Variants in TMEM214 observed in about 807,000 individuals in gnomAD.
TMEM214 encodes transmembrane protein 214.
Under a neutral mutation model 89.8 loss-of-function variants are expected in TMEM214, and 71 were observed. That is an observed-to-expected ratio of 0.79 (90% CI 0.65 to 0.96). The LOEUF (loss-of-function observed/expected upper bound fraction) is 0.96. Among genes scored for constraint, TMEM214 ranks in the 40% least tolerant of loss-of-function variants. TMEM214 has a pLI of 0.00. For missense variants in TMEM214, 754 were observed against 843.4 expected (o/e 0.89, Z 1.31); for synonymous variants, 332 against 349.5 (o/e 0.95, Z 0.56).
At position 27,038,962 on chromosome 2, in the gene TMEM214, G is replaced by T; in HGVS notation, c.1408-85G>T. The T allele has an allele frequency of 6.6e-7, 1 of 1,509,298 alleles. No individual in the cohort carries two copies. The highest frequency in any genetic ancestry group is 2.3e-5 in the East Asian group (1 of 44,344). 93.5% of individuals were successfully genotyped at this position (1,509,298 alleles called of 1,614,324 possible). A position where few individuals can be genotyped will look rare whatever the true frequency, so the allele number is the denominator to read the frequency against. ...TAATGTGAAGGCTTGACGCTCTTTC[G>T]GGAAGGCCTGGCTTGAGGTCTGCCC... On this transcript the variant is annotated intron_variant, in intron 12 of 16. Transcript: ENST00000238788. This position sits in a 1 kb window ranked among gnomAD's most constrained non-coding sequence, Gnocchi z 4.4.
At chr2:27,034,336 G>A (rs373455094) in intron 2 of TMEM214, 70 bp downstream of exon 2, 3 of 1,518,114 alleles carry the variant, frequency 2.0e-6, no homozygotes, top group South Asian at 2.4e-5. Context: ...AGAGGAGGGG[G>A]AGGTGGATGG....
Position 27,038,391 on chromosome 2 carries a change from C to G in TMEM214, c.1245-93C>G. ...GCTCTGTGGGTGGTAGGTGGAGGGT[C>G]TTTCAGCCTGAAGGAGCCAGGGCTA... is the stretch of plus-strand genomic sequence containing the variant. On this transcript the variant is annotated intron_variant, in intron 10 of 16. Transcript: ENST00000238788. The surrounding 1 kb of genome is among the most constrained non-coding windows in gnomAD (Gnocchi z 4.4). 1 of 1,574,494 alleles carries G rather than the reference C, an allele frequency of 6.4e-7. No homozygotes were observed. The highest frequency in any genetic ancestry group is 8.7e-7 in the Non-Finnish European group (1 of 1,146,074).
chr2:27,039,235 C>T, intron 13 of TMEM214, 71 bp downstream of exon 13: 7 of 1,281,170 alleles, frequency 5.5e-6, no homozygotes, highest in South Asian at 1.2e-5. Context: ...ACCACCACCC[C>T]GCCCCCAGCA....
intron 6 of TMEM214, 45 bp downstream of exon 6, chr2:27,036,637 A>G (rs559819654): frequency 6.2e-7 from 1 of 1,613,376 alleles, no homozygotes; most frequent in South Asian, 1.1e-5. Context: ...TCGGAGCTGG[A>G]AAACTCCTCT....
intron 8 of TMEM214, 43 bp downstream of exon 8, chr2:27,037,221 C>T: frequency 1.4e-6 from 2 of 1,424,090 alleles, no homozygotes; most frequent in Non-Finnish European, 2.0e-6. Context: ...GGGACCACAG[C>T]ACCAGAACCA....
intron 9 of TMEM214, chr2:27,037,919 C>T: frequency 1.9e-6 from 3 of 1,550,360 alleles, no homozygotes; most frequent in South Asian, 1.2e-5. Context: ...ATGCCCGTCT[C>T]TTGCAGATAG....
At position 27,038,596 on chromosome 2, in the gene TMEM214, T is replaced by A. The variant is rs1667676471; in HGVS notation, c.1293+64T>A. On this transcript the variant is annotated intron_variant, in intron 11 of 16. Coordinates refer to ENST00000238788, the MANE Select transcript of TMEM214 (RefSeq NM_017727.5). The surrounding 1 kb of genome is among the most constrained non-coding windows in gnomAD (Gnocchi z 4.4). ...TGGATTCTAGGTTCTGAGTGGGGGC[T>A]CCTCAGCCACTGTCCCTTCCCTGAG... is the stretch of plus-strand genomic sequence containing the variant. The A allele has an allele frequency of 3.7e-6, 6 of 1,607,878 alleles. No individual in the cohort carries two copies. The highest frequency in any genetic ancestry group is 5.1e-6 in the Non-Finnish European group (6 of 1,175,102).
At chr2:27,034,490 G>A (rs1572785204) in intron 2 of TMEM214, 2 of 555,048 alleles carry the variant, frequency 3.6e-6, no homozygotes, top group Non-Finnish European at 6.3e-6. Flanking sequence ...TTGGTAAGAG[G>A]AAAGCCTTGA....
intron 8 of TMEM214, 29 bp from the exon 9 acceptor site, chr2:27,037,532 T>G: frequency 6.2e-7 from 1 of 1,614,070 alleles, no homozygotes; most frequent in Non-Finnish European, 8.5e-7. Context: ...TTATAGCTTA[T>G]GCCTGTCTTT....
intron 2 of TMEM214, among the ~76,000 whole-genome samples, chr2:27,034,854 G>T (rs1031330521): frequency 1.3e-5 from 2 of 152,156 alleles, no homozygotes; most frequent in Non-Finnish European, 1.5e-5. Flanking sequence ...AAAGTGCTGG[G>T]ATTACAGGCG....
chr2:27,039,679 G>T, intron 13 of TMEM214, 62 bp from the exon 14 acceptor site: 1 of 1,412,756 alleles, frequency 7.1e-7, no homozygotes, highest in Non-Finnish European at 1.0e-6. Flanking sequence ...GCCCTGTAGT[G>T]TCTGTCTCCC....
rs185487403 is a variant in TMEM214 at position 27,038,092 on chromosome 2, C to T, written c.1153-54C>T. 1.5e-3 allele frequency: 2,399 copies of T among 1,613,456 alleles called. 3 individuals carry two copies. Among genetic ancestry groups the T allele is most frequent in the Admixed American group, 1.9e-3 (114 of 60,024 alleles). ...AAGGGGATCACCTCTTAGCACTCCC[C>T]GCCTCTGCCAGCCCCATGCCCCCAG... On this transcript the variant is annotated intron_variant, in intron 9 of 16. Transcript: ENST00000238788. The surrounding 1 kb of genome is among the most constrained non-coding windows in gnomAD (Gnocchi z 4.4).
At chr2:27,034,020 TG>T (rs1558394392) in intron 1 of TMEM214, 46 bp from the exon 2 acceptor site, 1 of 1,602,332 alleles carries the variant, frequency 6.2e-7, no homozygotes, top group Non-Finnish European at 8.5e-7. Flanking sequence ...GGTGAGGCCT[TG>T]GGGACTCAAG....
chr2:27,034,125 G>T lies in TMEM214; in HGVS notation c.210G>T (p.Arg70=), dbSNP rs755711722. The change falls in exon 2 of 17, where the codon CGG becomes CGT. Residue 70 remains arginine, a synonymous_variant. Coordinates refer to ENST00000238788, the MANE Select transcript of TMEM214 (RefSeq NM_017727.5). ...YERGFENIMK[R]QNKEQVPPPA... is the part of the protein sequence containing the mutation. ...GGGGCTTTGAGAATATCATGAAGCG[G>T]CAGAATAAGGAGCAGGTCCCACCCC... 1.2e-6 allele frequency: 2 copies of T among 1,614,028 alleles called. No homozygotes were observed. The highest frequency in any genetic ancestry group is 1.7e-6 in the Non-Finnish European group (2 of 1,180,056).
At chr2:27,034,379 T>G in intron 2 of TMEM214, 113 bp downstream of exon 2, 1 of 1,248,648 alleles carries the variant, frequency 8.0e-7, no homozygotes, top group Non-Finnish European at 1.1e-6. Context: ...TGAAACACTT[T>G]AAGGGTTGAG....
chr2:27,038,727 T>C lies in TMEM214; in HGVS notation c.1319T>C (p.Ile440Thr). 3 of 1,614,106 alleles carry C rather than the reference T, an allele frequency of 1.9e-6. No homozygotes were observed. Among genetic ancestry groups the C allele is most frequent in the Middle Eastern group, 1.6e-4 (1 of 6,062 alleles). Residue 440 changes from isoleucine to threonine, a missense_variant, in exon 12 of 17, where the codon ATT (isoleucine) becomes ACT (threonine). By Grantham distance (89) the Ile-to-Thr change is moderately conservative (BLOSUM62 -1). Coordinates refer to ENST00000238788, the MANE Select transcript of TMEM214 (RefSeq NM_017727.5). This position sits in a 1 kb window ranked among gnomAD's most constrained non-coding sequence, Gnocchi z 4.4. Reference sequence around the variant, plus strand: ...GTACAGAAGTCTTTGCAAGAAACCATTCAGTCCCTCAAGCTTACCAACCAG... The same window carrying C: ...GTACAGAAGTCTTTGCAAGAAACCACTCAGTCCCTCAAGCTTACCAACCAG... ...KKVQKSLQETIQSLKLTNQEL... is the reference protein window; with the variant it reads ...KKVQKSLQETTQSLKLTNQEL...
chr2:27,038,581 G>C lies in TMEM214; in HGVS notation c.1293+49G>C, dbSNP rs1294809130. 1 of 1,612,566 alleles carries C rather than the reference G, an allele frequency of 6.2e-7. No individual in the cohort carries two copies. The highest frequency in any genetic ancestry group is 1.7e-5 in the Admixed American group (1 of 59,906). On this transcript the variant is annotated intron_variant, in intron 11 of 16. Transcript: ENST00000238788. This position sits in a 1 kb window ranked among gnomAD's most constrained non-coding sequence, Gnocchi z 4.4. ...AGGTTGAGCCCTGTCTGGATTCTAG[G>C]TTCTGAGTGGGGGCTCCTCAGCCAC...
Position 27,035,659 on chromosome 2 carries a change from G to A in TMEM214, c.568G>A (p.Ala190Thr), listed in dbSNP as rs748979056. The A allele has an allele frequency of 2.5e-6, 4 of 1,614,122 alleles. No individual in the cohort carries two copies. The highest frequency in any genetic ancestry group is 2.7e-5 in the African/African-American group (2 of 74,948). ...CATCCGAGGGCTGCTGGCGAAGGCAGCAGGGTCTCTGGAGCTCTTTTTTGA... is the reference window on the plus strand; with the variant it reads ...CATCCGAGGGCTGCTGGCGAAGGCAACAGGGTCTCTGGAGCTCTTTTTTGA... The part of the protein sequence containing the change: ...GIIRGLLAKA[A>T]GSLELFFDHC... Residue 190 changes from alanine to threonine, a missense_variant, in exon 4 of 17, where the codon GCA becomes ACA. By Grantham distance (58) the Ala-to-Thr change is moderately conservative. Transcript: ENST00000238788.
In TMEM214 at chr2:27,040,435, C is replaced by T. The variant is rs749136611; in HGVS notation, c.1882C>T (p.Leu628=). 1 of 1,614,128 alleles carries T rather than the reference C, an allele frequency of 6.2e-7. No individual in the cohort carries two copies. The highest frequency in any genetic ancestry group is 8.5e-7 in the Non-Finnish European group (1 of 1,180,054). Residue 628 remains leucine, a synonymous_variant, in exon 16 of 17, where the codon CTG becomes TTG. Transcript: ENST00000238788. ...TTTCCACCAGAATGTGCTGCTGCCACTGTGGCACCTCTTGCTTGAGGCCCT... is the reference window on the plus strand; with the variant it reads ...TTTCCACCAGAATGTGCTGCTGCCATTGTGGCACCTCTTGCTTGAGGCCCT... ...LLFHQNVLLP[L]WHLLLEALAW... is the part of the protein sequence containing the mutation.
Sources: allele counts gnomAD v4.1 joint callset (sites outside exome capture counted in the v4.1 genomes callset), GRCh38; gene constraint gnomAD v4.1.1; non-coding constraint Gnocchi (gnomAD v3.1); transcripts MANE v1.5; gene names NCBI Gene and HGNC (gene_info 2026-07-23, HGNC 2026-07-21).